The following CFAP20DC variants were observed in gnomAD, a reference collection of about 807,000 sequenced individuals.
The protein encoded by CFAP20DC is protein CFAP20DC.
Under a neutral mutation model 101.7 loss-of-function variants are expected in CFAP20DC, and 84 were observed. The observed-to-expected ratio is 0.83, with a 90% CI of 0.69 to 0.99. The LOEUF is 0.99. Among genes scored for constraint, CFAP20DC ranks in the 50% least tolerant of loss-of-function variants. CFAP20DC has a pLI of 0.00. For missense variants in CFAP20DC, 1,007 were observed against 970.3 expected (o/e 1.04, Z -0.50); for synonymous variants, 359 against 351.2 (o/e 1.02, Z -0.25).
chr3:59,034,358 A>G (rs930473279), intron 4 of CFAP20DC, among the ~76,000 whole-genome samples: 9 of 152,348 alleles, frequency 5.9e-5, no homozygotes, highest in African/African-American at 2.2e-4. Context: ...TTAACCTTAA[A>G]TGTAAACAAG....
At chr3:58,842,925 T>A (rs1188311510) in intron 13 of CFAP20DC, among the ~76,000 whole-genome samples, 1 of 152,106 alleles carries the variant, frequency 6.6e-6, no homozygotes, top group Non-Finnish European at 1.5e-5. Context: ...CACGGCAGCG[T>A]ATTCCAACAG....
chr3:58,915,111 G>A (rs1053255934), intron 5 of CFAP20DC, among the ~76,000 whole-genome samples: 12 of 152,098 alleles, frequency 7.9e-5, no homozygotes, highest in African/African-American at 2.9e-4. Context: ...TGAGAAGTTC[G>A]GACTAACCAT....
intron 7 of CFAP20DC, among the ~76,000 whole-genome samples, chr3:58,884,188 C>T (rs185579811): frequency 6.4e-4 from 97 of 152,302 alleles, no homozygotes; most frequent in African/African-American, 2.2e-3. Flanking sequence ...GTCCCCACTA[C>T]TCCCTACAAC....
chr3:58,941,374 G>GTCAT (rs1465458317), intron 4 of CFAP20DC, among the ~76,000 whole-genome samples: 1 of 140,110 alleles, frequency 7.1e-6, no homozygotes, highest in Non-Finnish European at 1.5e-5. Context: ...TCACTTCCCA[G>GTCAT]TCATTTGGTT....
intron 16 of CFAP20DC, among the ~76,000 whole-genome samples, chr3:58,744,261 A>C (rs553022136): frequency 6.6e-6 from 1 of 152,284 alleles, no homozygotes; most frequent in Admixed American, 6.5e-5. Context: ...TGAACAGCTC[A>C]TCTGAGGTTT....
At chr3:58,747,885 A>T (rs965610318) in intron 16 of CFAP20DC, among the ~76,000 whole-genome samples, 3 of 152,198 alleles carry the variant, frequency 2.0e-5, no homozygotes, top group Non-Finnish European at 4.4e-5. Context: ...ATAAATAACC[A>T]ACAATGGAAA....
At chr3:58,745,817 C>A (rs2068153763) in intron 16 of CFAP20DC, among the ~76,000 whole-genome samples, 1 of 152,126 alleles carries the variant, frequency 6.6e-6, no homozygotes. Flanking sequence ...AAACTCAGGT[C>A]CAAATCCCAT....
intron 15 of CFAP20DC, among the ~76,000 whole-genome samples, chr3:58,805,954 A>C (rs1255675974): frequency 6.6e-6 from 1 of 152,254 alleles, no homozygotes. Flanking sequence ...GATAAATTTA[A>C]GGGCACCAGA....
intron 16 of CFAP20DC, among the ~76,000 whole-genome samples, chr3:58,750,105 C>A (rs2068464126): frequency 6.6e-6 from 1 of 152,146 alleles, no homozygotes; most frequent in African/African-American, 2.4e-5. Flanking sequence ...CATTCATGCA[C>A]TTGAGACATT....
At chr3:58,922,607 A>C (rs1448557128) in intron 5 of CFAP20DC, among the ~76,000 whole-genome samples, 5 of 152,150 alleles carry the variant, frequency 3.3e-5, no homozygotes, top group African/African-American at 1.2e-4. Flanking sequence ...CTATCTGTGC[A>C]CAGGCTAGCT....
At chr3:58,767,250 C>G (rs181223030) in intron 15 of CFAP20DC, among the ~76,000 whole-genome samples, 123 of 152,296 alleles carry the variant, frequency 8.1e-4, no homozygotes, top group Middle Eastern at 3.4e-3. Context: ...TGCTCTTTCT[C>G]CCCTTGCTAA....
At chr3:58,902,995 G>A (rs561775874) in intron 6 of CFAP20DC, among the ~76,000 whole-genome samples, 33 of 151,978 alleles carry the variant, frequency 2.2e-4, no homozygotes, top group African/African-American at 7.5e-4. Context: ...TATATTCCGG[G>A]TACTAGAATA....
intron 6 of CFAP20DC, among the ~76,000 whole-genome samples, chr3:58,911,685 C>A (rs895862192): frequency 1.6e-4 from 24 of 152,004 alleles, no homozygotes; most frequent in Non-Finnish European, 2.9e-4. Flanking sequence ...TTTATAGATG[C>A]AGTATCTTAA....
intron 15 of CFAP20DC, among the ~76,000 whole-genome samples, chr3:58,762,111 G>T (rs532643231): frequency 6.6e-6 from 1 of 151,844 alleles, no homozygotes; most frequent in African/African-American, 2.4e-5. Flanking sequence ...TCTGTCTCAT[G>T]GATCTGTCTA....
intron 16 of CFAP20DC, among the ~76,000 whole-genome samples, chr3:58,743,351 A>C (rs2107142164): frequency 6.6e-6 from 1 of 152,202 alleles, no homozygotes; most frequent in African/African-American, 2.4e-5. Flanking sequence ...GTACTTTTGT[A>C]TTCAAAAGTG....
chr3:58,870,737 AATT>A (rs2080108330), intron 7 of CFAP20DC, among the ~76,000 whole-genome samples: 2 of 148,720 alleles, frequency 1.3e-5, no homozygotes, highest in Non-Finnish European at 3.0e-5. Context: ...AAATACAAAA[AATT>A]AGCCAGGCGC....
At chr3:58,982,164 C>T (rs1321104510) in intron 4 of CFAP20DC, among the ~76,000 whole-genome samples, 181 of 151,708 alleles carry the variant, frequency 1.2e-3, no homozygotes, top group Non-Finnish European at 4.1e-4. Flanking sequence ...TGAGATACCA[C>T]CTCACACCAG....
chr3:58,800,135 G>C (rs911156224), intron 15 of CFAP20DC, among the ~76,000 whole-genome samples: 1 of 152,156 alleles, frequency 6.6e-6, no homozygotes, highest in Non-Finnish European at 1.5e-5. Context: ...AGGGCAATGG[G>C]AAACCACTGG....
chr3:59,036,733 AG>A (rs1407852134), intron 4 of CFAP20DC, among the ~76,000 whole-genome samples: 6 of 152,232 alleles, frequency 3.9e-5, no homozygotes, highest in African/African-American at 1.4e-4. Context: ...GGTAATTTAT[AG>A]ATTCAATGTC....
Sources: gnomAD v4.1 joint callset for allele counts (sites outside exome capture counted in the v4.1 genomes callset) on GRCh38, gnomAD v4.1.1 for gene constraint, MANE v1.5 for transcripts, NCBI Gene and HGNC (gene_info 2026-07-23, HGNC 2026-07-21) for gene names.